Variants in TIAM2 observed in about 807,000 individuals in gnomAD.
TIAM2 encodes the protein TIAM Rac1 associated GEF 2.
Under a neutral mutation model 152.9 loss-of-function variants are expected in TIAM2, and 80 were observed. The ratio of observed to expected loss-of-function variants is 0.52; its 90% CI spans 0.44 to 0.63. TIAM2 has a LOEUF of 0.63. Ranked by LOEUF, TIAM2 falls within the 30% of genes least tolerant of loss-of-function variation. The probability of loss-of-function intolerance (pLI) is 0.00; values close to 1 mark genes in which losing one functional copy is unlikely to be tolerated. For missense variants in TIAM2, 1,965 were observed against 2,120.1 expected (o/e 0.93, Z 1.44); for synonymous variants, 804 against 838.0 (o/e 0.96, Z 0.70).
At chr6:155,175,009 T>G (rs1341292121) in intron 9 of TIAM2, among the ~76,000 whole-genome samples, 1 of 152,194 alleles carries the variant, frequency 6.6e-6, no homozygotes, top group Non-Finnish European at 1.5e-5. Flanking sequence ...ACTGCCCAGA[T>G]GAAAAGTACC....
At chr6:155,041,816 G>A (rs1777053365) in intron 1 of TIAM2, among the ~76,000 whole-genome samples, 1 of 152,192 alleles carries the variant, frequency 6.6e-6, no homozygotes, top group Non-Finnish European at 1.5e-5. Context: ...CCAGTGCGAT[G>A]TAGACCCAAT....
chr6:155,014,750 G>C (rs1265815016), intron 1 of TIAM2, among the ~76,000 whole-genome samples: 2 of 152,188 alleles, frequency 1.3e-5, no homozygotes, highest in Non-Finnish European at 2.9e-5. Flanking sequence ...AAGTATGAGA[G>C]AGAAAGACAT....
intron 15 of TIAM2, among the ~76,000 whole-genome samples, chr6:155,211,718 C>T (rs1313853734): frequency 4.6e-5 from 7 of 151,296 alleles, no homozygotes; most frequent in African/African-American, 7.3e-5. Flanking sequence ...TGTGATAAAA[C>T]GTATATAACA....
At chr6:155,070,305 C>G (rs1777813042) in intron 1 of TIAM2, among the ~76,000 whole-genome samples, 1 of 145,560 alleles carries the variant, frequency 6.9e-6, no homozygotes, top group South Asian at 2.3e-4. Flanking sequence ...ACTGCAACCT[C>G]TGCCTCCCGG....
rs1781954749 is a variant in TIAM2 at position 155,219,023 on chromosome 6, C to CCCACCCGTGTTCTTGACCATCTCAGCCGT, written c.3168+7744_3168+7745insTCCACCCGTGTTCTTGACCATCTCAGCCG. ...GCCGTGTTCTTGACCATCTCAGCCG[C>CCCACCCGTGTTCTTGACCATCTCAGCCGT]CCACCCGTGTTCTTGACCATCTCAG... On this transcript the variant is annotated intron_variant, in intron 15 of 26. Transcript: ENST00000682666. 1.0e-4 allele frequency among the ~76,000 whole-genome samples: 9 copies of CCCACCCGTGTTCTTGACCATCTCAGCCGT among 85,748 alleles called. 1 individual carries two copies. Among genetic ancestry groups the CCCACCCGTGTTCTTGACCATCTCAGCCGT allele is most frequent in the Admixed American group, 3.4e-4 (3 of 8,864 alleles). The allele number at this position is 85,748 out of a possible 152,430, so 56.3% of individuals were successfully genotyped here. A position where few individuals can be genotyped will look rare whatever the true frequency, so the allele number is the denominator to read the frequency against.
At chr6:155,052,773 CAA>C (rs10545743) in intron 1 of TIAM2, among the ~76,000 whole-genome samples, 56,931 of 116,570 alleles carry the variant, frequency 0.49, 11,464 homozygotes, top group Middle Eastern at 0.55. Context: ...AACTCCATCT[CAA>C]AAAAAAAAAA....
At chr6:155,157,914 A>C (rs1157317945) in intron 7 of TIAM2, among the ~76,000 whole-genome samples, 1 of 152,214 alleles carries the variant, frequency 6.6e-6, no homozygotes. Flanking sequence ...AAACTGAGTG[A>C]ATTTTTGGGT....
chr6:155,155,619 C>T (rs191367179), intron 7 of TIAM2, among the ~76,000 whole-genome samples: 1 of 152,100 alleles, frequency 6.6e-6, no homozygotes, highest in Non-Finnish European at 1.5e-5. Flanking sequence ...GGATTACAGG[C>T]GTACGCCACC....
At chr6:155,072,651 G>A (rs1258028091) in intron 1 of TIAM2, among the ~76,000 whole-genome samples, 1 of 152,072 alleles carries the variant, frequency 6.6e-6, no homozygotes, top group Non-Finnish European at 1.5e-5. Context: ...GTGGGTAAGT[G>A]GGTCTGGAAC....
intron 15 of TIAM2, among the ~76,000 whole-genome samples, chr6:155,222,620 A>AC (rs796407265): frequency 0.03 from 2,571 of 84,440 alleles, 83 homozygotes; most frequent in African/African-American, 0.12. Context: ...AAACAAACAA[A>AC]AAAAAAAAAC....
At chr6:155,095,616 G>T (rs1421977989) in intron 2 of TIAM2, among the ~76,000 whole-genome samples, 1 of 152,158 alleles carries the variant, frequency 6.6e-6, no homozygotes, top group Non-Finnish European at 1.5e-5. Context: ...AAATGAGAGT[G>T]GCCCCATCTG....
intron 1 of TIAM2, among the ~76,000 whole-genome samples, chr6:155,082,279 G>A (rs189008983): frequency 9.2e-4 from 140 of 152,202 alleles, no homozygotes; most frequent in Middle Eastern, 6.8e-3. Flanking sequence ...GGAGGGAGAC[G>A]CTGCAGCAAG....
chr6:155,249,791 G>C (rs1783541583), intron 20 of TIAM2, 60 bp from the exon 21 acceptor site: 1 of 1,422,262 alleles, frequency 7.0e-7, no homozygotes, highest in Non-Finnish European at 9.7e-7. Flanking sequence ...CATTATTACT[G>C]TTGGATAGAA....
rs569342162 is a variant in TIAM2, at chr6:155,001,624, G to A, written c.-209+6132G>A. On this transcript the variant is annotated intron_variant, in intron 1 of 26. Transcript: ENST00000682666. ...CCCACTCCTCTCCAGGCATTCCATC[G>A]AGCTGGAAATTGGTCTGCTTTGTTT... is the stretch of plus-strand genomic sequence containing the variant. 7.2e-5 allele frequency among the ~76,000 whole-genome samples: 11 copies of A among 152,216 alleles called. 1 individual carries two copies. Among genetic ancestry groups the A allele is most frequent in the Admixed American group, 2.0e-4 (3 of 15,278 alleles).
intron 1 of TIAM2, among the ~76,000 whole-genome samples, chr6:155,010,660 G>T (rs939931405): frequency 6.6e-6 from 1 of 152,022 alleles, no homozygotes; most frequent in Non-Finnish European, 1.5e-5. Flanking sequence ...TCTCCATGTT[G>T]GTCAGGCTGG....
intron 3 of TIAM2, among the ~76,000 whole-genome samples, chr6:155,128,399 G>A (rs1186068251): frequency 6.6e-6 from 1 of 152,066 alleles, no homozygotes; most frequent in Non-Finnish European, 1.5e-5. Flanking sequence ...CTGGTGTCAT[G>A]TTATAAAAAT....
At chr6:155,166,737 G>C (rs1780448753) in intron 9 of TIAM2, among the ~76,000 whole-genome samples, 1 of 152,210 alleles carries the variant, frequency 6.6e-6, no homozygotes, top group South Asian at 2.1e-4. Context: ...TGGTGCACCT[G>C]TATTTCATGA....
chr6:155,022,853 G>A (rs533941431), intron 1 of TIAM2, among the ~76,000 whole-genome samples: 7 of 152,342 alleles, frequency 4.6e-5, no homozygotes, highest in African/African-American at 1.4e-4. Context: ...GAGGGCTAAC[G>A]ATGGTTTCTT....
chr6:155,206,512 G>T (rs746174894), intron 14 of TIAM2, among the ~76,000 whole-genome samples: 1 of 152,172 alleles, frequency 6.6e-6, no homozygotes, highest in Non-Finnish European at 1.5e-5. Flanking sequence ...TGGGATTACA[G>T]GTGTGAACCA....
Sources: gnomAD v4.1 joint callset for allele counts (sites outside exome capture counted in the v4.1 genomes callset) on GRCh38, gnomAD v4.1.1 for gene constraint, MANE v1.5 for transcripts, NCBI Gene and HGNC (gene_info 2026-07-23, HGNC 2026-07-21) for gene names.